ZBTB20: variants seen among roughly 807,000 people sequenced by gnomAD.
The protein encoded by ZBTB20 is zinc finger and BTB domain containing 20, also known as zinc finger and BTB domain-containing protein 20.
ZBTB20 carries 9 observed loss-of-function variants against 56.9 expected under a neutral mutation model. That is an observed-to-expected ratio of 0.16 (90% CI 0.10 to 0.28). The LOEUF (loss-of-function observed/expected upper bound fraction) is 0.28, where lower values mean the gene tolerates loss of function less well. ZBTB20 is among the 10% of genes least tolerant of loss of function. The pLI is 1.00. For synonymous variants in ZBTB20, 417 were observed against 420.7 expected, an observed-to-expected ratio of 0.99 and a Z score of 0.11; for missense variants, 655 against 1,003.0, an observed-to-expected ratio of 0.65 and a Z score of 4.69.
intron 5 of ZBTB20, among the ~76,000 whole-genome samples, chr3:114,700,832 T>C (rs2063346071): frequency 6.6e-6 from 1 of 152,142 alleles, no homozygotes; most frequent in African/African-American, 2.4e-5. Context: ...TAAGATTGGG[T>C]CATTGTTTCC....
intron 6 of ZBTB20, among the ~76,000 whole-genome samples, chr3:114,616,523 C>A (rs1250412360): frequency 6.6e-6 from 1 of 152,150 alleles, no homozygotes; most frequent in Middle Eastern, 3.2e-3. Flanking sequence ...ATGACTGGCA[C>A]ATAATAGTTG....
At chr3:114,354,011 G>A (rs77365419) in intron 10 of ZBTB20, among the ~76,000 whole-genome samples, 1,863 of 152,254 alleles carry the variant, frequency 0.012, 38 homozygotes, top group African/African-American at 0.042. Context: ...AGGGATCCAC[G>A]GCTCTGTTGT....
chr3:114,704,695 A>T (rs979017381), intron 5 of ZBTB20, among the ~76,000 whole-genome samples: 3 of 152,162 alleles, frequency 2.0e-5, no homozygotes, highest in South Asian at 2.1e-4. Context: ...CTAAATCAAG[A>T]TAATGAATTC....
chr3:115,028,617 C>T (rs1380677464), intron 2 of ZBTB20, among the ~76,000 whole-genome samples: 2 of 149,310 alleles, frequency 1.3e-5, no homozygotes, highest in South Asian at 2.1e-4. Flanking sequence ...AACTTCTCAG[C>T]GAGTTAAATA....
chr3:114,741,971 G>A (rs1298479175), intron 5 of ZBTB20, among the ~76,000 whole-genome samples: 1 of 151,958 alleles, frequency 6.6e-6, no homozygotes, highest in Non-Finnish European at 1.5e-5. Context: ...TAATCTTTAA[G>A]AAGTAGAGTA....
chr3:114,997,660 T>A (rs1267268630), intron 2 of ZBTB20, among the ~76,000 whole-genome samples: 1 of 151,710 alleles, frequency 6.6e-6, no homozygotes, highest in Non-Finnish European at 1.5e-5. Flanking sequence ...AAAGATAAAA[T>A]TAATCAATAC....
At chr3:114,605,902 G>A (rs536595549) in intron 6 of ZBTB20, among the ~76,000 whole-genome samples, 1 of 152,252 alleles carries the variant, frequency 6.6e-6, no homozygotes, top group Non-Finnish European at 1.5e-5. Context: ...ACAGAGGATA[G>A]AGTGATGGTT....
chr3:114,942,574 C>T (rs2076755351), intron 3 of ZBTB20, among the ~76,000 whole-genome samples: 1 of 145,574 alleles, frequency 6.9e-6, no homozygotes, highest in Non-Finnish European at 1.5e-5. Flanking sequence ...TCCAGTTCTA[C>T]TGTGATAGAG....
rs151035555 is a variant in ZBTB20, at chr3:114,710,839, T to C, written c.-342-17264A>G. 1.3e-3 allele frequency among the ~76,000 whole-genome samples: 195 copies of C among 152,268 alleles called. 1 individual carries two copies. Among genetic ancestry groups the C allele is most frequent in the Admixed American group, 0.01 (159 of 15,284 alleles). The stretch of plus-strand genomic sequence containing the variant: ...ATGCTTAAAAAAATCCTCTATAGCT[T>C]TCTGTCAGTCTTTATCATGGCCTGT... On this transcript the variant is annotated intron_variant, in intron 5 of 11. Transcript: ENST00000675478.
intron 4 of ZBTB20, among the ~76,000 whole-genome samples, chr3:114,866,115 A>G (rs1395145025): frequency 6.6e-6 from 1 of 152,232 alleles, no homozygotes; most frequent in Non-Finnish European, 1.5e-5. Context: ...GATCTTAACC[A>G]CTATGAAACT....
chr3:114,363,521 A>C (rs2082091144), intron 10 of ZBTB20, among the ~76,000 whole-genome samples: 1 of 152,216 alleles, frequency 6.6e-6, no homozygotes, highest in African/African-American at 2.4e-5. Context: ...ACTGATTATC[A>C]ATCATTTCAC....
At chr3:114,390,052 C>A (rs1164817043) in intron 7 of ZBTB20, among the ~76,000 whole-genome samples, 1 of 152,092 alleles carries the variant, frequency 6.6e-6, no homozygotes, top group African/African-American at 2.4e-5. Context: ...TCCTGTCTAA[C>A]CGAAATTTTG....
chr3:115,087,963 T>C (rs761781225), intron 1 of ZBTB20, among the ~76,000 whole-genome samples: 6 of 151,934 alleles, frequency 3.9e-5, no homozygotes, highest in Non-Finnish European at 8.8e-5. Flanking sequence ...AAGTGCTTAT[T>C]TGGCCCCAAA....
intron 4 of ZBTB20, among the ~76,000 whole-genome samples, chr3:114,834,375 A>G (rs1468391600): frequency 1.3e-5 from 2 of 152,040 alleles, no homozygotes; most frequent in Non-Finnish European, 2.9e-5. Context: ...AATCTGCCCC[A>G]TTTTACAGTA....
At chr3:114,680,870 C>T (rs757907981) in intron 6 of ZBTB20, among the ~76,000 whole-genome samples, 2 of 152,140 alleles carry the variant, frequency 1.3e-5, no homozygotes, top group Non-Finnish European at 2.9e-5. Flanking sequence ...AGCAGCACTG[C>T]CTCCACACAG....
rs929902386 is a variant in ZBTB20 at position 115,013,128 on chromosome 3, T to C, written c.-506-38712A>G. ...CATGAAAAAATAGAAAAACTTCAAA[T>C]AAACAACCCAGTGATGCATATTAAA... On this transcript the variant is annotated intron_variant, in intron 2 of 11. Transcript: ENST00000675478. Among the ~76,000 whole-genome samples the C allele has an allele frequency of 6.0e-5, 9 of 151,070 alleles. No individual in the cohort carries two copies. The South Asian group carries it at 1.7e-3, about 28-fold the overall frequency.
chr3:114,800,946 A>G (rs181787272), intron 5 of ZBTB20, among the ~76,000 whole-genome samples, 155 bp downstream of exon 5: 1 of 151,756 alleles, frequency 6.6e-6, no homozygotes, highest in Admixed American at 6.6e-5. Flanking sequence ...GAGACCAACA[A>G]CTTTTTTTTT....
intron 6 of ZBTB20, among the ~76,000 whole-genome samples, chr3:114,675,134 G>C (rs918535037): frequency 6.7e-6 from 1 of 149,838 alleles, no homozygotes; most frequent in African/African-American, 2.5e-5. Context: ...TTGCTGTATA[G>C]CTAACAGCAT....
intron 3 of ZBTB20, among the ~76,000 whole-genome samples, chr3:114,936,118 GTGGAGGAAACACAATAA>G (rs909430951): frequency 2.2e-4 from 34 of 152,138 alleles, no homozygotes; most frequent in Admixed American, 3.3e-4. Context: ...AAAAACAATA[GTGGAGGAAACACAATAA>G]TGGAGGAAAT....
Sources: allele counts gnomAD v4.1 joint callset (sites outside exome capture counted in the v4.1 genomes callset), GRCh38; gene constraint gnomAD v4.1.1; transcripts MANE v1.5; gene names NCBI Gene and HGNC (gene_info 2026-07-23, HGNC 2026-07-21).